Variants in U2SURP observed in about 807,000 individuals in gnomAD.
U2SURP encodes U2 snRNP-associated SURP motif-containing protein.
In U2SURP, 9 loss-of-function variants were observed where a neutral mutation model predicts 144.9. That is an observed-to-expected ratio of 0.06 (90% confidence interval 0.04 to 0.11). The LOEUF (loss-of-function observed/expected upper bound fraction) is 0.11, where lower values mean the gene tolerates loss of function less well. Among genes scored for constraint, U2SURP ranks in the 10% least tolerant of loss-of-function variants. U2SURP has a pLI of 1.00. For missense variants in U2SURP, 724 were observed against 1,226.7 expected, an observed-to-expected ratio of 0.59 and a Z score of 6.12; for synonymous variants, 408 against 396.8, an observed-to-expected ratio of 1.03 and a Z score of -0.33.
At chr3:143,022,768 A>G in intron 11 of U2SURP, 85 bp from the exon 12 acceptor site, 5 of 1,463,926 alleles carry the variant, frequency 3.4e-6, no homozygotes, top group South Asian at 1.4e-5. Flanking sequence ...AGAGGTTAAA[A>G]TGAAAATTAT....
chr3:143,022,761 G>C, intron 11 of U2SURP, 92 bp from the exon 12 acceptor site: 2 of 1,461,840 alleles, frequency 1.4e-6, no homozygotes, highest in Non-Finnish European at 1.8e-6. Context: ...GAAATGGAGA[G>C]GTTAAAATGA....
At chr3:143,025,007 AG>A (rs1445354877) in intron 13 of U2SURP, among the ~76,000 whole-genome samples, 2 of 152,170 alleles carry the variant, frequency 1.3e-5, no homozygotes, top group African/African-American at 4.8e-5. Context: ...CTAATAGAAA[AG>A]TCACCATTTT....
chr3:143,053,942 C>A, intron 26 of U2SURP, 148 bp downstream of exon 26: 2 of 638,176 alleles, frequency 3.1e-6, no homozygotes, highest in Non-Finnish European at 5.2e-6. Context: ...GCAGAAATAG[C>A]GGAGAAATGG....
chr3:143,014,415 G>A lies in U2SURP; in HGVS notation c.321+6G>A. On this transcript the variant is annotated splice_donor_region_variant and intron_variant, in intron 4 of 27. Coordinates refer to ENST00000473835, the MANE Select transcript of U2SURP (RefSeq NM_001080415.2). Reference sequence around the variant, plus strand: ...AGGAAGAATTAAAGAAAAAGGTAATGTTGAAAATGTATTTTGAATTATCCT... The same window carrying A: ...AGGAAGAATTAAAGAAAAAGGTAATATTGAAAATGTATTTTGAATTATCCT... 1 of 1,564,654 alleles carries A rather than the reference G, an allele frequency of 6.4e-7. No homozygotes were observed. The highest frequency in any genetic ancestry group is 8.8e-7 in the Non-Finnish European group (1 of 1,140,336).
chr3:143,040,880 C>T lies in U2SURP; in HGVS notation c.2384+1920C>T, dbSNP rs569191314. Among the ~76,000 whole-genome samples the T allele has an allele frequency of 9.9e-5, 15 of 151,914 alleles. No homozygotes were observed. In the South Asian group the frequency reaches 2.5e-3, roughly 25 times the overall value. ...TAGACCCTTTCTGTGTGTATAAAAA[C>T]ATGCATAACTATTGACATAAATGAT... On this transcript the variant is annotated intron_variant, in intron 23 of 27. Coordinates refer to ENST00000473835, the MANE Select transcript of U2SURP (RefSeq NM_001080415.2).
At chr3:143,026,025 T>C (rs1933126628) in intron 13 of U2SURP, 1 of 152,160 alleles carries the variant, frequency 6.6e-6, no homozygotes. Flanking sequence ...TGTAATTTAG[T>C]GTGTGCTTTG....
Position 143,027,134 on chromosome 3 carries a change from G to GT in U2SURP, c.1275-14dup, listed in dbSNP as rs781351912. On this transcript the variant is annotated splice_polypyrimidine_tract_variant and intron_variant, in intron 13 of 27. Transcript: ENST00000473835. ...AGGTCTGAATCCATTTTCTTTAACT[G>GT]TGTTGTTGTTGTAGGAATTTGCTCG... 7 of 1,594,292 alleles carry GT rather than the reference G, an allele frequency of 4.4e-6. No individual in the cohort carries two copies. Among genetic ancestry groups the GT allele is most frequent in the Non-Finnish European group, 6.0e-6 (7 of 1,162,642 alleles).
intron 24 of U2SURP, 128 bp from the exon 25 acceptor site, chr3:143,050,811 C>T (rs1378770996): frequency 1.7e-6 from 1 of 582,434 alleles, no homozygotes; most frequent in African/African-American, 1.9e-5. Context: ...TGACAAGTGG[C>T]CTTCAGGTGA....
At chr3:143,044,004 C>G (rs1441635603) in intron 24 of U2SURP, among the ~76,000 whole-genome samples, 2 of 152,034 alleles carry the variant, frequency 1.3e-5, no homozygotes, top group Admixed American at 6.6e-5. Context: ...CCGCCCACCT[C>G]GGCCTCCCAA....
At position 143,006,730 on chromosome 3, in the gene U2SURP, G is replaced by A. The variant is rs562907645; in HGVS notation, c.46-4085G>A. Among the ~76,000 whole-genome samples the A allele has an allele frequency of 5.9e-5, 9 of 152,226 alleles. No homozygotes were observed. In the East Asian group the frequency reaches 7.7e-4, roughly 13 times the overall value. ...GCACTCCAGCCTGGGCAAAAAGAGC[G>A]AAACTCCGTCTCAAAAAAAAGAATG... On this transcript the variant is annotated intron_variant, in intron 1 of 27. Transcript: ENST00000473835.
chr3:143,027,289 C>A, intron 14 of U2SURP, 36 bp downstream of exon 14: 1 of 1,520,096 alleles, frequency 6.6e-7, no homozygotes, highest in Non-Finnish European at 9.1e-7. Flanking sequence ...ATATATGTAA[C>A]ATAAAATTTC....
intron 25 of U2SURP, among the ~76,000 whole-genome samples, chr3:143,051,523 C>T (rs938191468): frequency 2.1e-5 from 3 of 141,860 alleles, no homozygotes; most frequent in South Asian, 2.3e-4. Context: ...TTTATATTCT[C>T]GTGCATCACA....
chr3:143,014,966 T>C (rs1273132200), intron 4 of U2SURP, among the ~76,000 whole-genome samples: 2 of 152,072 alleles, frequency 1.3e-5, no homozygotes, highest in Admixed American at 6.6e-5. Flanking sequence ...TATATTCTTA[T>C]AGGTGAGATT....
At chr3:143,051,602 C>CAAAAAAAAAAAAAAAAAAAAAA (rs3041537) in intron 25 of U2SURP, among the ~76,000 whole-genome samples, 3 of 90,630 alleles carry the variant, frequency 3.3e-5, no homozygotes, top group Non-Finnish European at 4.3e-5. Context: ...ACTGTCGTTG[C>CAAAAAAAAAAAAAAAAAAAAAA]AAAAAAAAAA....
At chr3:143,011,773 G>A (rs1006953856) in intron 2 of U2SURP, among the ~76,000 whole-genome samples, 6 of 151,904 alleles carry the variant, frequency 3.9e-5, no homozygotes, top group South Asian at 2.1e-4. Context: ...TGTGTAGTTC[G>A]TCTTAATATT....
intron 6 of U2SURP, among the ~76,000 whole-genome samples, 179 bp from the exon 7 acceptor site, chr3:143,019,786 ATTGT>A (rs760918461): frequency 2.6e-5 from 4 of 152,270 alleles, no homozygotes; most frequent in East Asian, 1.9e-4. Flanking sequence ...TAATAATTTA[ATTGT>A]TTGTTATTTT....
intron 24 of U2SURP, among the ~76,000 whole-genome samples, chr3:143,044,118 A>G (rs983566075): frequency 6.6e-6 from 1 of 151,984 alleles, no homozygotes; most frequent in African/African-American, 2.4e-5. Flanking sequence ...ATTTTCTGGC[A>G]TATTCTGTTA....
intron 24 of U2SURP, among the ~76,000 whole-genome samples, chr3:143,047,221 G>A (rs1380383700): frequency 1.1e-5 from 1 of 91,002 alleles, no homozygotes; most frequent in Non-Finnish European, 2.1e-5. Context: ...CCAGGCGGGG[G>A]GCTGATCCCC....
chr3:143,012,997 C>T (rs9868064), intron 3 of U2SURP, among the ~76,000 whole-genome samples: 5,540 of 151,902 alleles, frequency 0.036, 290 homozygotes, highest in African/African-American at 0.12. Flanking sequence ...TTTTACTTTG[C>T]CTAGATTTAT....
Sources: allele counts gnomAD v4.1 joint callset (sites outside exome capture counted in the v4.1 genomes callset), GRCh38; gene constraint gnomAD v4.1.1; transcripts MANE v1.5; gene names NCBI Gene and HGNC (gene_info 2026-07-23, HGNC 2026-07-21).